Variants in ADGRF4 observed in about 807,000 individuals in gnomAD.
The protein encoded by ADGRF4 is adhesion G protein-coupled receptor F4.
Under a neutral mutation model 58.5 loss-of-function variants are expected in ADGRF4, and 63 were observed. That is an observed-to-expected ratio of 1.08 (90% CI 0.88 to 1.33). The LOEUF (loss-of-function observed/expected upper bound fraction) is 1.33, where lower values mean the gene tolerates loss of function less well. ADGRF4 is among the 40% of genes most tolerant of loss of function. ADGRF4 has a pLI of 0.00. For missense variants in ADGRF4, 931 were observed against 843.9 expected (o/e 1.10, Z -1.28); for synonymous variants, 313 against 295.4 (o/e 1.06, Z -0.61).
At chr6:47,703,445 C>T (rs917883221) in intron 1 of ADGRF4, among the ~76,000 whole-genome samples, 2 of 152,208 alleles carry the variant, frequency 1.3e-5, no homozygotes, top group Non-Finnish European at 2.9e-5. Context: ...CAAATTAGGG[C>T]TAACCTGAAA....
chr6:47,715,476 G>A (rs375368983), intron 6 of ADGRF4: 10 of 250,504 alleles, frequency 4.0e-5, no homozygotes, highest in East Asian at 1.5e-4. Flanking sequence ...AGGGATATGT[G>A]AGGCTACATG....
At chr6:47,708,136 C>G (rs775657010) in intron 2 of ADGRF4, 88 bp from the exon 3 acceptor site, 36 of 946,464 alleles carry the variant, frequency 3.8e-5, no homozygotes, top group Non-Finnish European at 6.0e-5. Flanking sequence ...AACACATTTT[C>G]TTTTCATATT....
intron 8 of ADGRF4, among the ~76,000 whole-genome samples, chr6:47,717,894 C>A (rs1772062784): frequency 6.6e-6 from 1 of 152,172 alleles, no homozygotes; most frequent in Admixed American, 6.5e-5. Context: ...AGACTTTGGG[C>A]CTGGCTATCA....
At chr6:47,706,672 A>C (rs1350588488) in intron 1 of ADGRF4, among the ~76,000 whole-genome samples, 1 of 152,232 alleles carries the variant, frequency 6.6e-6, no homozygotes, top group Non-Finnish European at 1.5e-5. Flanking sequence ...TGTCAATAGC[A>C]CCGTCACAGA....
Position 47,714,150 on chromosome 6 carries a change from T to C in ADGRF4, c.905T>C (p.Leu302Pro). The change falls in exon 6 of 10, where the codon CTG (leucine) becomes CCG (proline). Residue 302 changes from leucine to proline, a missense_variant. Transcript: ENST00000283303. Reference sequence around the variant, plus strand: ...GCTTTCCCAACCTTGGGGGCTATCCTGAGAGAAGCCCACTTGCAAAATGTG... The same window carrying C: ...GCTTTCCCAACCTTGGGGGCTATCCCGAGAGAAGCCCACTTGCAAAATGTG... The part of the protein sequence containing the change: ...SIAFPTLGAI[L>P]REAHLQNVSL... 1 of 1,613,982 alleles carries C rather than the reference T, an allele frequency of 6.2e-7. No homozygotes were observed. Among genetic ancestry groups the C allele is most frequent in the Non-Finnish European group, 8.5e-7 (1 of 1,179,940 alleles).
Position 47,714,437 on chromosome 6 carries a change from G to T in ADGRF4, c.1192G>T (p.Asp398Tyr), listed in dbSNP as rs376942274. 1.9e-6 allele frequency: 3 copies of T among 1,614,070 alleles called. No homozygotes were observed. Among genetic ancestry groups the T allele is most frequent in the Non-Finnish European group, 2.5e-6 (3 of 1,180,022 alleles). ...SILMSSKSMT[D>Y]KVLDYITCIG... ...TCTCATGTCCTCCAAATCGATGACC[G>T]ACAAAGTTCTGGACTACATCACCTG... Residue 398 changes from aspartate to tyrosine, a missense_variant, in exon 6 of 10, where the codon GAC (aspartate) becomes TAC (tyrosine). Asp to Tyr is a radical substitution (Grantham distance 160). Transcript: ENST00000283303.
intron 9 of ADGRF4, among the ~76,000 whole-genome samples, chr6:47,720,273 C>T (rs1772127513): frequency 6.6e-6 from 1 of 152,118 alleles, no homozygotes; most frequent in African/African-American, 2.4e-5. Context: ...TTGGTAAGCA[C>T]CAGGAGAGGT....
chr6:47,719,271 T>C (rs13205100), intron 9 of ADGRF4, among the ~76,000 whole-genome samples: 34,859 of 151,952 alleles, frequency 0.23, 4,886 homozygotes, highest in East Asian at 0.56. Context: ...AACCATATGC[T>C]GTGCTGGTAT....
rs748262968 is a variant in ADGRF4, at chr6:47,714,333, C to T, written c.1088C>T (p.Ala363Val). Residue 363 changes from alanine (A) to valine (V), a missense_variant, in exon 6 of 10, where the codon GCG becomes GTG. Physicochemically the swap from Ala to Val is moderately conservative, Grantham distance 64. Transcript: ENST00000283303. ...AAGAAAAGGAGATGGGATGAGAAAG[C>T]GTGCCAAATGATGTTGGATATCAGG... ...HSKKRRWDEK[A>V]CQMMLDIRNE... 29 of 1,614,016 alleles carry T rather than the reference C, an allele frequency of 1.8e-5. No individual in the cohort carries two copies. The highest frequency in any genetic ancestry group is 1.6e-4 in the Middle Eastern group (1 of 6,080).
chr6:47,699,874 T>C (rs1052564052), intron 1 of ADGRF4, among the ~76,000 whole-genome samples: 1 of 151,134 alleles, frequency 6.6e-6, no homozygotes, highest in African/African-American at 2.4e-5. Context: ...CAGACAGTTA[T>C]AGAATTAGGG....
At chr6:47,715,687 C>G (rs1771997322) in intron 6 of ADGRF4, 1 of 153,472 alleles carries the variant, frequency 6.5e-6, no homozygotes, top group Admixed American at 6.4e-5. Flanking sequence ...CAGATCTTGC[C>G]ATATGTTAGC....
intron 4 of ADGRF4, 142 bp from the exon 5 acceptor site, chr6:47,712,215 C>T (rs968883012): frequency 7.1e-6 from 5 of 700,262 alleles, no homozygotes; most frequent in African/African-American, 7.1e-5. Flanking sequence ...TCGTCTCCAC[C>T]CCCCTCTGCA....
chr6:47,703,153 A>G (rs1771626671), intron 1 of ADGRF4, among the ~76,000 whole-genome samples: 2 of 152,244 alleles, frequency 1.3e-5, no homozygotes, highest in African/African-American at 4.8e-5. Context: ...GAAACTTTTC[A>G]GTTTGGAATG....
intron 1 of ADGRF4, 28 bp from the exon 2 acceptor site, chr6:47,707,202 G>A (rs1248454450): frequency 1.1e-5 from 14 of 1,245,608 alleles, no homozygotes; most frequent in Non-Finnish European, 1.7e-5. Context: ...TCACCTTCAG[G>A]TGGGTATGCC....
rs114042116 is a variant in ADGRF4, at chr6:47,707,356, C to T, written c.93+18C>T. 2,142 of 1,433,358 alleles carry T rather than the reference C, an allele frequency of 1.5e-3. 20 individuals are homozygous for T. Among genetic ancestry groups the T allele is most frequent in the African/African-American group, 0.013 (961 of 71,612 alleles). 88.8% of individuals were successfully genotyped at this position (1,433,358 alleles called of 1,614,324 possible). A position where few individuals can be genotyped will look rare whatever the true frequency, so the allele number is the denominator to read the frequency against. ...ACCTAAAAGTAAGTTTGATCTATTC[C>T]TATGTGATCCGAGGAGAAATCTCTC... On this transcript the variant is annotated intron_variant, in intron 2 of 9. Transcript: ENST00000283303.
intron 1 of ADGRF4, among the ~76,000 whole-genome samples, chr6:47,702,987 A>G (rs994818403): frequency 6.6e-6 from 1 of 152,198 alleles, no homozygotes; most frequent in Non-Finnish European, 1.5e-5. Flanking sequence ...TGGTTTGCTT[A>G]TATCCATCTG....
In ADGRF4 at chr6:47,714,315, G is replaced by A. The variant is rs1561868800; in HGVS notation, c.1070G>A (p.Arg357Lys). 3.1e-6 allele frequency: 5 copies of A among 1,614,212 alleles called. No homozygotes were observed. In the East Asian group the frequency reaches 1.1e-4, roughly 36 times the overall value. Reference protein sequence around the residue: ...AQCVGWHSKKRRWDEKACQMM... With the variant: ...AQCVGWHSKKKRWDEKACQMM... ...TGTGTTGGCTGGCACTCCAAGAAAA[G>A]GAGATGGGATGAGAAAGCGTGCCAA... The change falls in exon 6 of 10, where the codon AGG (arginine) becomes AAG (lysine). Residue 357 changes from arginine to lysine, a missense_variant. By Grantham distance (26) the Arg-to-Lys change is conservative. Coordinates refer to ENST00000283303, the MANE Select transcript of ADGRF4 (RefSeq NM_153838.5).
At chr6:47,703,069 C>T (rs1243480133) in intron 1 of ADGRF4, among the ~76,000 whole-genome samples, 1 of 152,336 alleles carries the variant, frequency 6.6e-6, no homozygotes, top group East Asian at 1.9e-4. Context: ...TTCTTTCCCT[C>T]ATCCTTTCAG....
At chr6:47,699,764 A>G (rs778342207) in intron 1 of ADGRF4, among the ~76,000 whole-genome samples, 8 of 152,180 alleles carry the variant, frequency 5.3e-5, no homozygotes, top group Admixed American at 2.6e-4. Flanking sequence ...TTCTGCTATG[A>G]GGGCAAGAGA....
Sources: gnomAD v4.1 joint callset for allele counts (sites outside exome capture counted in the v4.1 genomes callset) on GRCh38, gnomAD v4.1.1 for gene constraint, MANE v1.5 for transcripts, NCBI Gene and HGNC (gene_info 2026-07-23, HGNC 2026-07-21) for gene names.